The following TUSC3 variants were observed in gnomAD, a reference collection of about 807,000 sequenced individuals.
TUSC3 encodes dolichyl-diphosphooligosaccharide--protein glycosyltransferase subunit TUSC3.
A neutral mutation model predicts 44.8 loss-of-function variants in TUSC3; 45 were observed. The observed-to-expected ratio is 1.00, with a 90% CI of 0.79 to 1.29. The LOEUF is 1.29. Among genes scored for constraint, TUSC3 ranks in the 50% most tolerant of loss-of-function variants. The pLI, the probability that TUSC3 is intolerant of heterozygous loss-of-function variation, is 0.00. For synonymous variants in TUSC3, 212 were observed against 152.9 expected, an observed-to-expected ratio of 1.39 and a Z score of -2.85; for missense variants, 519 against 437.9, an observed-to-expected ratio of 1.19 and a Z score of -1.65.
chr8:15,497,489 A>G (rs886075715), intron 2 of TUSC3, among the ~76,000 whole-genome samples: 3 of 152,202 alleles, frequency 2.0e-5, no homozygotes, highest in Non-Finnish European at 4.4e-5. Context: ...TAGAAAACTT[A>G]CACAAACGCT....
chr8:15,537,498 A>C (rs1801540814), upstream of TUSC3, among the ~76,000 whole-genome samples: 1 of 152,214 alleles, frequency 6.6e-6, no homozygotes, highest in Non-Finnish European at 1.5e-5. Context: ...TTTGGCTCAG[A>C]ATAAATCTCT....
At chr8:15,830,801 T>G in the TUSC3 span, among the ~76,000 whole-genome samples, 39 of 152,108 alleles carry the variant, frequency 2.6e-4, no homozygotes, top group South Asian at 7.5e-3. Context: ...AATTATTGAG[T>G]ATGATATTTA....
intron 2 of TUSC3, among the ~76,000 whole-genome samples, chr8:15,514,721 T>C (rs776227371): frequency 5.3e-5 from 8 of 152,178 alleles, no homozygotes; most frequent in Non-Finnish European, 8.8e-5. Flanking sequence ...CTTTATTTAT[T>C]TTATGAAGAC....
intron 1 of TUSC3, among the ~76,000 whole-genome samples, chr8:15,427,145 ACATAGTTTACAAATACTTTATTTC>A (rs1234606595): frequency 6.7e-6 from 1 of 150,190 alleles, no homozygotes; most frequent in Admixed American, 6.6e-5. Flanking sequence ...CTTATGAGAT[ACATAGTTTACAAATACTTTATTTC>A]ATTCTACAGA....
At chr8:15,629,974 C>G (rs1423371716) in intron 2 of TUSC3, among the ~76,000 whole-genome samples, 3 of 151,712 alleles carry the variant, frequency 2.0e-5, no homozygotes, top group South Asian at 4.2e-4. Context: ...ATTAAGACTA[C>G]TCTATATAAT....
chr8:15,598,120 T>C (rs1804143570), intron 1 of TUSC3, among the ~76,000 whole-genome samples: 1 of 151,940 alleles, frequency 6.6e-6, no homozygotes, highest in Admixed American at 6.6e-5. Context: ...GAAAGCAGAG[T>C]TTGCAGAGCA....
At chr8:15,491,118 T>C (rs1800804241) in intron 2 of TUSC3, among the ~76,000 whole-genome samples, 2 of 152,360 alleles carry the variant, frequency 1.3e-5, no homozygotes, top group South Asian at 4.1e-4. Flanking sequence ...TCAGTGAATC[T>C]GCATTTTTAT....
At chr8:15,640,101 T>G (rs77194368) in intron 2 of TUSC3, among the ~76,000 whole-genome samples, 1 of 152,192 alleles carries the variant, frequency 6.6e-6, no homozygotes, top group Non-Finnish European at 1.5e-5. Flanking sequence ...TCACTGTCCC[T>G]GAACTGTTTA....
the TUSC3 span, among the ~76,000 whole-genome samples, chr8:15,818,803 A>G: frequency 6.6e-6 from 1 of 152,190 alleles, no homozygotes; most frequent in Non-Finnish European, 1.5e-5. Flanking sequence ...TGCTGCCCCT[A>G]CTCAGGAAAA....
At chr8:15,437,099 A>G (rs959054868) in intron 1 of TUSC3, among the ~76,000 whole-genome samples, 8 of 152,196 alleles carry the variant, frequency 5.3e-5, no homozygotes, top group African/African-American at 1.9e-4. Flanking sequence ...AAATTAAGAT[A>G]TCTCTAAAAC....
At chr8:15,802,348 T>C in the TUSC3 span, among the ~76,000 whole-genome samples, 2 of 152,156 alleles carry the variant, frequency 1.3e-5, no homozygotes, top group African/African-American at 4.8e-5. Context: ...CTTAAGTAAA[T>C]TACACTGAGA....
the TUSC3 span, among the ~76,000 whole-genome samples, chr8:15,792,140 AC>A: frequency 6.6e-6 from 1 of 151,834 alleles, no homozygotes; most frequent in Non-Finnish European, 1.5e-5. Flanking sequence ...ACACACACAC[AC>A]ACACCCTCTA....
the TUSC3 span, among the ~76,000 whole-genome samples, chr8:15,821,993 A>T: frequency 6.6e-6 from 1 of 152,298 alleles, no homozygotes; most frequent in African/African-American, 2.4e-5. Flanking sequence ...TGATGATTTG[A>T]TAAGGCTGGT....
intron 1 of TUSC3, among the ~76,000 whole-genome samples, chr8:15,467,776 T>A (rs1050164934): frequency 2.0e-5 from 3 of 152,226 alleles, no homozygotes; most frequent in African/African-American, 7.2e-5. Flanking sequence ...GTTCTCTGTC[T>A]TTCTTTTTAT....
chr8:15,782,154 A>C, the TUSC3 span, among the ~76,000 whole-genome samples: 1 of 152,082 alleles, frequency 6.6e-6, no homozygotes, highest in African/African-American at 2.4e-5. Context: ...AAAACTACAA[A>C]CCAATATCCC....
intron 1 of TUSC3, among the ~76,000 whole-genome samples, chr8:15,543,645 G>T (rs1054180566): frequency 2.0e-5 from 3 of 151,770 alleles, no homozygotes; most frequent in African/African-American, 7.3e-5. Flanking sequence ...TATAATAAAT[G>T]GTCACTAAGT....
chr8:15,540,539 C>T lies in TUSC3; in HGVS notation c.109C>T (p.Gln37Ter). Residue 37 changes from glutamine (Q) to a stop codon, truncating the protein, a stop_gained, in exon 1 of 11, where the codon CAG (glutamine) becomes TAG (stop). Coordinates refer to ENST00000503731, the MANE Select transcript of TUSC3 (RefSeq NM_006765.4). LOFTEE classifies it high-confidence loss of function. ...TCTCCTGCTGCTGCTGCTCTGCATC[C>T]AGCTCGGGGGAGGACAGAAGAAAAA... ...FLLLLLLLCIQLGGGQKKKEN... is the reference protein window; with the variant it reads ...FLLLLLLLCI 1 of 1,601,992 alleles carries T rather than the reference C, an allele frequency of 6.2e-7. No individual in the cohort carries two copies.
intron 2 of TUSC3, among the ~76,000 whole-genome samples, chr8:15,502,770 C>A (rs1563267926): frequency 6.6e-6 from 1 of 152,222 alleles, no homozygotes; most frequent in Non-Finnish European, 1.5e-5. Context: ...GGATTACAGG[C>A]ATGAGCTACC....
At chr8:15,529,180 A>G (rs1801419458) in intron 2 of TUSC3, among the ~76,000 whole-genome samples, 1 of 152,200 alleles carries the variant, frequency 6.6e-6, no homozygotes, top group South Asian at 2.1e-4. Flanking sequence ...GCAATCGCAC[A>G]GGTGCATGCT....
Sources: allele counts gnomAD v4.1 joint callset (sites outside exome capture counted in the v4.1 genomes callset), GRCh38; gene constraint gnomAD v4.1.1; transcripts MANE v1.5; gene names NCBI Gene and HGNC (gene_info 2026-07-23, HGNC 2026-07-21).